TNR: variants seen among roughly 807,000 people sequenced by gnomAD.
The protein encoded by TNR is tenascin R.
A neutral mutation model predicts 150.4 loss-of-function variants in TNR; 45 were observed. The ratio of observed to expected loss-of-function variants is 0.30; its 90% confidence interval spans 0.24 to 0.38. The LOEUF is 0.38. Among genes scored for constraint, TNR ranks in the 10% least tolerant of loss-of-function variants. TNR has a pLI of 1.00. For missense variants in TNR, 1,544 were observed against 1,759.1 expected (o/e 0.88, Z 2.19); for synonymous variants, 687 against 678.4 (o/e 1.01, Z -0.20).
intron 2 of TNR, among the ~76,000 whole-genome samples, chr1:175,426,588 T>C (rs1654976833): frequency 6.6e-6 from 1 of 151,986 alleles, no homozygotes; most frequent in Non-Finnish European, 1.5e-5. Context: ...CCTTTGTTGT[T>C]TATGCCAGGA....
chr1:175,399,651 A>G (rs548142959), intron 4 of TNR, among the ~76,000 whole-genome samples: 55 of 152,342 alleles, frequency 3.6e-4, no homozygotes, highest in African/African-American at 1.2e-3. Context: ...ACTGCAAACA[A>G]TCAAAGAGCC....
intron 1 of TNR, among the ~76,000 whole-genome samples, chr1:175,678,268 A>C (rs781207858): frequency 6.6e-6 from 1 of 152,174 alleles, no homozygotes; most frequent in Non-Finnish European, 1.5e-5. Flanking sequence ...TGTGCTCCCC[A>C]GACATAGGTC....
chr1:175,395,019 G>T (rs1571380749), intron 5 of TNR, among the ~76,000 whole-genome samples: 1 of 152,106 alleles, frequency 6.6e-6, no homozygotes, highest in South Asian at 2.1e-4. Context: ...CACAATCATT[G>T]CAGATATTTA....
chr1:175,455,619 G>C (rs1345649180), intron 2 of TNR, among the ~76,000 whole-genome samples: 3 of 152,206 alleles, frequency 2.0e-5, no homozygotes, highest in Non-Finnish European at 4.4e-5. Context: ...TGTCAGGGAA[G>C]TCTTCAGAAG....
At chr1:175,647,175 C>A (rs1025384630) in intron 1 of TNR, among the ~76,000 whole-genome samples, 1 of 152,202 alleles carries the variant, frequency 6.6e-6, no homozygotes, top group Admixed American at 6.5e-5. Flanking sequence ...AAAACAGCAA[C>A]TGATTTCGCC....
chr1:175,511,741 T>C (rs1273179651), intron 2 of TNR, among the ~76,000 whole-genome samples: 1 of 152,222 alleles, frequency 6.6e-6, no homozygotes, highest in Non-Finnish European at 1.5e-5. Context: ...CTGGGACTGC[T>C]TCTCACACTG....
At chr1:175,568,379 C>T (rs16848667) in intron 1 of TNR, among the ~76,000 whole-genome samples, 7,096 of 152,014 alleles carry the variant, frequency 0.047, 569 homozygotes, top group African/African-American at 0.16. Context: ...GAGCCTCGGG[C>T]CCATGAAACA....
At chr1:175,569,666 C>T (rs569664613) in intron 1 of TNR, among the ~76,000 whole-genome samples, 1 of 152,308 alleles carries the variant, frequency 6.6e-6, no homozygotes, top group African/African-American at 2.4e-5. Context: ...AAATTAATAG[C>T]ACACCATGGC....
Position 175,743,327 on chromosome 1 carries a change from C to G in TNR, c.-266G>C, listed in dbSNP as rs1039202397. On this transcript the variant is annotated 5_prime_UTR_variant, in exon 1 of 23. Transcript: ENST00000367674. ...AGCTGATGCGCTCACCTAGAGAGCC[C>G]TCCTCTTTCCCTTCTCTTCCCTTCC... is the stretch of plus-strand genomic sequence containing the variant. The G allele has an allele frequency of 6.6e-6, 1 of 152,036 alleles. No homozygotes were observed. Among genetic ancestry groups the G allele is most frequent in the Non-Finnish European group, 1.5e-5 (1 of 68,000 alleles). 9.4% of individuals were successfully genotyped at this position (152,036 alleles called of 1,614,324 possible).
intron 2 of TNR, among the ~76,000 whole-genome samples, chr1:175,431,683 A>G (rs939657148): frequency 2.6e-5 from 4 of 151,518 alleles, no homozygotes; most frequent in African/African-American, 9.7e-5. Flanking sequence ...CAGAGGAGGA[A>G]GAACCCATGC....
At chr1:175,559,272 G>T (rs1206998574) in intron 1 of TNR, among the ~76,000 whole-genome samples, 2 of 151,980 alleles carry the variant, frequency 1.3e-5, no homozygotes, top group African/African-American at 2.4e-5. Context: ...GTACTGAATT[G>T]TTCACTTTAA....
chr1:175,516,417 G>A (rs150043141), intron 2 of TNR, among the ~76,000 whole-genome samples: 15 of 152,288 alleles, frequency 9.8e-5, no homozygotes, highest in Non-Finnish European at 2.1e-4. Context: ...CTCAAGTGGT[G>A]GGTCAGCATC....
At chr1:175,665,721 G>A (rs899092889) in intron 1 of TNR, among the ~76,000 whole-genome samples, 14 of 152,218 alleles carry the variant, frequency 9.2e-5, no homozygotes, top group African/African-American at 3.4e-4. Flanking sequence ...ACCAGGCACT[G>A]TTAGATACTG....
At chr1:175,382,232 C>T (rs2102027846) in intron 8 of TNR, among the ~76,000 whole-genome samples, 1 of 152,366 alleles carries the variant, frequency 6.6e-6, no homozygotes, top group South Asian at 2.1e-4. Context: ...TCTGTAGCCT[C>T]AGTGCCTAGA....
At chr1:175,480,683 A>G (rs1037301100) in intron 2 of TNR, among the ~76,000 whole-genome samples, 21 of 152,212 alleles carry the variant, frequency 1.4e-4, no homozygotes, top group Non-Finnish European at 2.8e-4. Context: ...TACAGACGTT[A>G]AGAGGCTCAC....
intron 9 of TNR, among the ~76,000 whole-genome samples, chr1:175,378,116 C>T (rs1002275815): frequency 2.6e-5 from 4 of 152,216 alleles, no homozygotes. Flanking sequence ...AGTCTTCCTG[C>T]CTCTGACCTT....
intron 2 of TNR, among the ~76,000 whole-genome samples, chr1:175,425,917 T>C (rs1319487940): frequency 6.6e-6 from 1 of 152,180 alleles, no homozygotes; most frequent in Admixed American, 6.5e-5. Flanking sequence ...CCTATGGCCT[T>C]GCATCATTGG....
intron 1 of TNR, among the ~76,000 whole-genome samples, chr1:175,605,305 C>A (rs1235133803): frequency 6.6e-6 from 1 of 152,190 alleles, no homozygotes; most frequent in African/African-American, 2.4e-5. Context: ...AATGGTTATA[C>A]CTATCTCACT....
At chr1:175,442,517 G>T (rs540771953) in intron 2 of TNR, among the ~76,000 whole-genome samples, 2 of 151,742 alleles carry the variant, frequency 1.3e-5, no homozygotes, top group African/African-American at 4.9e-5. Context: ...TGAGAAGGTG[G>T]TCTCAAGGCC....
Sources: allele counts gnomAD v4.1 joint callset (sites outside exome capture counted in the v4.1 genomes callset), GRCh38; gene constraint gnomAD v4.1.1; transcripts MANE v1.5; gene names NCBI Gene and HGNC (gene_info 2026-07-23, HGNC 2026-07-21).